MECOM: variants seen among roughly 807,000 people sequenced by gnomAD.
The protein encoded by MECOM is histone-lysine N-methyltransferase MECOM.
In MECOM, 13 loss-of-function variants were observed where a neutral mutation model predicts 116.3. The ratio of observed to expected loss-of-function variants is 0.11; its 90% CI spans 0.07 to 0.18. The LOEUF (loss-of-function observed/expected upper bound fraction) is 0.18, where lower values mean the gene tolerates loss of function less well. MECOM is among the 10% of genes least tolerant of loss of function. MECOM has a pLI of 1.00. For missense variants in MECOM, 1,299 were observed against 1,509.0 expected, an observed-to-expected ratio of 0.86 and a Z score of 2.31; for synonymous variants, 528 against 535.2, an observed-to-expected ratio of 0.99 and a Z score of 0.19.
intron 2 of MECOM, among the ~76,000 whole-genome samples, chr3:169,370,814 G>A (rs945702927): frequency 6.6e-5 from 10 of 151,788 alleles, no homozygotes; most frequent in South Asian, 2.1e-4. Flanking sequence ...TCATGGAAAC[G>A]CAAATCAAAA....
intron 2 of MECOM, chr3:169,145,195 GA>G: frequency 2.1e-6 from 1 of 484,918 alleles, no homozygotes; most frequent in Non-Finnish European, 3.5e-6. Flanking sequence ...CACACAGAGA[GA>G]AATCAAACTC....
chr3:169,521,897 T>C (rs1456183135), intron 1 of MECOM, among the ~76,000 whole-genome samples: 1 of 152,204 alleles, frequency 6.6e-6, no homozygotes, highest in Non-Finnish European at 1.5e-5. Flanking sequence ...TTTGTTGTTA[T>C]TCCCTAAACA....
intron 1 of MECOM, among the ~76,000 whole-genome samples, chr3:169,617,677 C>G (rs535196387): frequency 2.6e-5 from 4 of 152,184 alleles, no homozygotes; most frequent in African/African-American, 9.7e-5. Flanking sequence ...CTTTGAGCAA[C>G]TTTGGTCTAT....
chr3:169,116,811 T>A (rs1729303197), intron 7 of MECOM, 72 bp from the exon 8 acceptor site: 4 of 1,497,316 alleles, frequency 2.7e-6, no homozygotes, highest in Non-Finnish European at 3.5e-6. Context: ...ATATCACAAT[T>A]GGTTTACTCA....
At chr3:169,599,511 C>CA (rs535539075) in intron 1 of MECOM, among the ~76,000 whole-genome samples, 2,102 of 94,378 alleles carry the variant, frequency 0.022, 31 homozygotes, top group Non-Finnish European at 0.033. Context: ...GACTCTGTCT[C>CA]AAAAAAAAAA....
intron 1 of MECOM, among the ~76,000 whole-genome samples, chr3:169,401,953 T>G (rs1735977910): frequency 6.6e-6 from 1 of 152,142 alleles, no homozygotes; most frequent in Non-Finnish European, 1.5e-5. Flanking sequence ...AGATCAGAAC[T>G]GGATATTAGC....
rs1245942212 is a variant in MECOM, at chr3:169,338,038, A to G, written c.375+43149T>C. ...AATTCATAAGTGCTGCATATTCACA[A>G]AACACATGTTTAAAGCATAGCACTT... On this transcript the variant is annotated intron_variant, in intron 2 of 16. Transcript: ENST00000651503. Among the ~76,000 whole-genome samples the G allele has an allele frequency of 3.9e-5, 6 of 152,212 alleles. No individual in the cohort carries two copies. In the East Asian group the frequency reaches 1.2e-3, roughly 29 times the overall value.
Position 169,663,412 on chromosome 3 carries a change from C to CT in MECOM, c.-41dup, listed in dbSNP as rs201463796. On this transcript the variant is annotated 5_prime_UTR_variant, in exon 1 of 17. Transcript: ENST00000651503. The stretch of plus-strand genomic sequence containing the variant: ...TGCAGCCGCTGGTGTGTGGTTGGGG[C>CT]TTTTTTTTCTTGGATCCTTTCCTTC... 8,165 of 1,588,940 alleles carry CT rather than the reference C, an allele frequency of 5.1e-3. 287 individuals carry two copies. In the East Asian group the frequency reaches 0.078, roughly 15 times the overall value.
intron 2 of MECOM, among the ~76,000 whole-genome samples, chr3:169,314,896 CTGAATATTTA>C (rs1196065610): frequency 6.6e-6 from 1 of 152,130 alleles, no homozygotes; most frequent in Non-Finnish European, 1.5e-5. Context: ...CCTTATTCTC[CTGAATATTTA>C]TGAATATTTA....
In MECOM at chr3:169,181,666, T is replaced by C. The variant is rs151238045; in HGVS notation, c.376-37834A>G. Among the ~76,000 whole-genome samples, 570 of 152,304 alleles carry C rather than the reference T, an allele frequency of 3.7e-3. 2 individuals are homozygous for C. Among genetic ancestry groups the C allele is most frequent in the African/African-American group, 0.013 (528 of 41,580 alleles). On this transcript the variant is annotated intron_variant, in intron 2 of 16. Coordinates refer to ENST00000651503, the MANE Select transcript of MECOM (RefSeq NM_004991.4). Reference sequence around the variant, plus strand: ...GTGAGGATTCCAAAAGTACCAGAGATGTGTCATAGAAATAGGGTTAGTGAC... The same window carrying C: ...GTGAGGATTCCAAAAGTACCAGAGACGTGTCATAGAAATAGGGTTAGTGAC...
At chr3:169,499,650 G>T (rs140788793) in intron 1 of MECOM, among the ~76,000 whole-genome samples, 3 of 151,886 alleles carry the variant, frequency 2.0e-5, no homozygotes, top group Non-Finnish European at 4.4e-5. Context: ...AGGAAAAACA[G>T]GGACCAAATA....
At chr3:169,221,912 C>T (rs908905902) in intron 2 of MECOM, among the ~76,000 whole-genome samples, 25 of 151,886 alleles carry the variant, frequency 1.6e-4, no homozygotes, top group African/African-American at 6.1e-4. Flanking sequence ...CACTATGGCA[C>T]CAATGAAAGG....
intron 2 of MECOM, among the ~76,000 whole-genome samples, chr3:169,267,593 C>G (rs1758467497): frequency 6.6e-6 from 1 of 152,076 alleles, no homozygotes; most frequent in Non-Finnish European, 1.5e-5. Context: ...GAACATTAGC[C>G]TATGTTTGAC....
At chr3:169,591,737 T>C (rs1766435625) in intron 1 of MECOM, among the ~76,000 whole-genome samples, 1 of 152,164 alleles carries the variant, frequency 6.6e-6, no homozygotes, top group South Asian at 2.1e-4. Flanking sequence ...GAGAAACCTG[T>C]TATAATATGT....
intron 2 of MECOM, among the ~76,000 whole-genome samples, chr3:169,233,114 A>G (rs1370263909): frequency 2.0e-5 from 3 of 152,100 alleles, no homozygotes; most frequent in African/African-American, 7.2e-5. Flanking sequence ...ATCCAAAAGA[A>G]AGATAGTGAC....
chr3:169,385,114 A>T (rs577066561), intron 1 of MECOM, among the ~76,000 whole-genome samples: 4 of 151,668 alleles, frequency 2.6e-5, no homozygotes, highest in African/African-American at 9.7e-5. Flanking sequence ...AAAAAAAAAA[A>T]AAAAAAAAAG....
intron 2 of MECOM, among the ~76,000 whole-genome samples, chr3:169,318,231 A>G (rs1190167811): frequency 1.3e-5 from 2 of 152,228 alleles, no homozygotes; most frequent in Non-Finnish European, 2.9e-5. Flanking sequence ...CATGACTAAA[A>G]CACCAAAAGC....
intron 2 of MECOM, among the ~76,000 whole-genome samples, chr3:169,194,634 T>A (rs1242591862): frequency 6.6e-6 from 1 of 151,956 alleles, no homozygotes; most frequent in Non-Finnish European, 1.5e-5. Context: ...GAAAGCCATA[T>A]TTGTTTGTGT....
intron 1 of MECOM, among the ~76,000 whole-genome samples, chr3:169,465,667 G>A (rs142255044): frequency 1.3e-5 from 2 of 152,066 alleles, no homozygotes; most frequent in East Asian, 1.9e-4. Flanking sequence ...TGAACACTTG[G>A]TGTAGATTAA....
Sources: allele counts gnomAD v4.1 joint callset (sites outside exome capture counted in the v4.1 genomes callset), GRCh38; gene constraint gnomAD v4.1.1; transcripts MANE v1.5; gene names NCBI Gene and HGNC (gene_info 2026-07-23, HGNC 2026-07-21).